Variants in SLC22A24 observed in about 807,000 individuals in gnomAD.
SLC22A24 encodes solute carrier family 22 member 24, also known as steroid transmembrane transporter SLC22A24.
Under a neutral mutation model 49.8 loss-of-function variants are expected in SLC22A24, and 53 were observed. The observed-to-expected ratio is 1.06, with a 90% CI of 0.85 to 1.34. SLC22A24 has a LOEUF of 1.34. Ranked by LOEUF, SLC22A24 falls within the 40% of genes most tolerant of loss-of-function variation. The pLI, the probability that SLC22A24 is intolerant of heterozygous loss-of-function variation, is 0.00. For synonymous variants in SLC22A24, 302 were observed against 256.4 expected (o/e 1.18, Z -1.70); for missense variants, 786 against 675.9 (o/e 1.16, Z -1.81).
chr11:63,080,586 A>G (rs1225019499), intron 9 of SLC22A24, among the ~76,000 whole-genome samples: 4 of 152,216 alleles, frequency 2.6e-5, no homozygotes, highest in African/African-American at 7.2e-5. Flanking sequence ...GAGGCATTTG[A>G]GTCTTAGCAG....
intron 5 of SLC22A24, among the ~76,000 whole-genome samples, chr11:63,102,807 C>A (rs1013155226): frequency 2.6e-5 from 4 of 152,130 alleles, no homozygotes; most frequent in Non-Finnish European, 5.9e-5. Flanking sequence ...GAACTTCTAA[C>A]GTTTGCCTGG....
intron 4 of SLC22A24, among the ~76,000 whole-genome samples, chr11:63,106,305 G>A (rs367923361): frequency 7.9e-5 from 12 of 152,088 alleles, no homozygotes; most frequent in African/African-American, 2.9e-4. Flanking sequence ...GTGTATATGT[G>A]CCACATTTTC....
chr11:63,098,758 C>T (rs1206544380), intron 5 of SLC22A24, among the ~76,000 whole-genome samples: 2 of 151,720 alleles, frequency 1.3e-5, no homozygotes, highest in Non-Finnish European at 2.9e-5. Context: ...AAACCAAACC[C>T]CCAAAATAGT....
At chr11:63,111,368 T>G (rs1482328138) in intron 4 of SLC22A24, among the ~76,000 whole-genome samples, 2 of 151,992 alleles carry the variant, frequency 1.3e-5, no homozygotes, top group African/African-American at 4.8e-5. Context: ...CTTCATAAAA[T>G]GAGTTAGGGA....
At chr11:63,131,147 G>A (rs1292724213) in intron 2 of SLC22A24, among the ~76,000 whole-genome samples, 1 of 151,674 alleles carries the variant, frequency 6.6e-6, no homozygotes, top group Non-Finnish European at 1.5e-5. Context: ...CTCCCTCCCT[G>A]TATTTTGAGC....
At chr11:63,114,134 C>G (rs906239750) in intron 4 of SLC22A24, among the ~76,000 whole-genome samples, 4 of 152,094 alleles carry the variant, frequency 2.6e-5, no homozygotes, top group African/African-American at 4.8e-5. Flanking sequence ...GGGAAATTCT[C>G]CTGGATAATA....
intron 2 of SLC22A24, among the ~76,000 whole-genome samples, chr11:63,124,328 C>A (rs773501423): frequency 5.9e-5 from 9 of 152,126 alleles, no homozygotes; most frequent in Non-Finnish European, 1.3e-4. Flanking sequence ...AAAAAACTTT[C>A]AAGCTTGAGA....
intron 2 of SLC22A24, among the ~76,000 whole-genome samples, chr11:63,127,549 G>A (rs535317328): frequency 1.2e-4 from 19 of 152,188 alleles, no homozygotes; most frequent in East Asian, 9.7e-4. Context: ...TTGAGGAATC[G>A]CCACACTATC....
At chr11:63,083,647 A>C (rs1481233455) in intron 6 of SLC22A24, among the ~76,000 whole-genome samples, 190 bp from the exon 7 acceptor site, 10 of 152,216 alleles carry the variant, frequency 6.6e-5, no homozygotes, top group Admixed American at 4.6e-4. Context: ...TGGTCTTAAA[A>C]TAACATAAAA....
Position 63,104,312 on chromosome 11 carries a change from A to T in SLC22A24, c.831-14T>A. 6.5e-7 allele frequency: 1 copy of T among 1,545,530 alleles called. No individual in the cohort carries two copies. The highest frequency in any genetic ancestry group is 8.7e-7 in the Non-Finnish European group (1 of 1,145,638). ...TCCACCATCTTCCTGATGAAAGAAG[A>T]CAACATAGGTATAGTAAACAATTAC... On this transcript the variant is annotated splice_polypyrimidine_tract_variant and intron_variant, in intron 4 of 9. Transcript: ENST00000612278.
chr11:63,143,836 CAGAGG>C lies in SLC22A24; in HGVS notation c.-62_-58del. 3 of 1,284,430 alleles carry C rather than the reference CAGAGG, an allele frequency of 2.3e-6. No homozygotes were observed. The highest frequency in any genetic ancestry group is 2.0e-6 in the Non-Finnish European group (2 of 1,008,314). The allele number at this position is 1,284,430 out of a possible 1,614,324, so 79.6% of individuals were successfully genotyped here. On this transcript the variant is annotated 5_prime_UTR_variant, in exon 1 of 10. Transcript: ENST00000612278. The stretch of plus-strand genomic sequence containing the variant: ...CACAATGACTTTATGAAGAGAAGTT[CAGAGG>C]GAGAAAATGTCCCCTTTCACAAAGT...
chr11:63,125,342 G>A (rs923854217), intron 2 of SLC22A24, among the ~76,000 whole-genome samples: 2 of 151,994 alleles, frequency 1.3e-5, no homozygotes, highest in African/African-American at 4.8e-5. Context: ...GGTATGTGAT[G>A]TTCCCCTCCC....
At chr11:63,093,609 G>C (rs1004923985) in intron 6 of SLC22A24, among the ~76,000 whole-genome samples, 1 of 152,014 alleles carries the variant, frequency 6.6e-6, no homozygotes, top group African/African-American at 2.4e-5. Flanking sequence ...ACAAAATCCT[G>C]CATATTTTTA....
rs1407459230 is a variant in SLC22A24 at position 63,113,103 on chromosome 11, C to CATATATATATACATATATATATACATAT, written c.830+5808_830+5809insATATGTATATATATATGTATATATATAT. On this transcript the variant is annotated intron_variant, in intron 4 of 9. Coordinates refer to ENST00000612278, the MANE Select transcript of SLC22A24 (RefSeq NM_001136506.2). ...ACACATATATATACATATATATATA[C>CATATATATATACATATATATATACATAT]ATATATATACACATATATATATACA... Among the ~76,000 whole-genome samples, 11 of 1,486 alleles carry CATATATATATACATATATATATACATAT rather than the reference C, an allele frequency of 7.4e-3. 4 individuals carry two copies. Among genetic ancestry groups the CATATATATATACATATATATATACATAT allele is most frequent in the African/African-American group, 9.2e-3 (11 of 1,196 alleles). 1.0% of individuals were successfully genotyped at this position (1,486 alleles called of 152,430 possible).
intron 6 of SLC22A24, among the ~76,000 whole-genome samples, chr11:63,083,819 T>C (rs921325398): frequency 6.6e-6 from 1 of 152,194 alleles, no homozygotes; most frequent in Non-Finnish European, 1.5e-5. Context: ...AACTGGATGA[T>C]ATAAATGATT....
chr11:63,104,070 C>A, intron 5 of SLC22A24, 105 bp downstream of exon 5: 1 of 1,125,286 alleles, frequency 8.9e-7, no homozygotes, highest in Non-Finnish European at 1.3e-6. Flanking sequence ...ATGTAAGACT[C>A]CACTCACAGA....
chr11:63,094,444 T>C (rs1339518503), intron 6 of SLC22A24, among the ~76,000 whole-genome samples: 2 of 152,134 alleles, frequency 1.3e-5, no homozygotes, highest in Non-Finnish European at 2.9e-5. Context: ...TAAACATACA[T>C]GTGCATGTGT....
At position 63,081,687 on chromosome 11, in the gene SLC22A24, C is replaced by G. The variant is rs772025822; in HGVS notation, c.1286-21G>C. ...CATTTCTAGAGAGAACAGTGAGAAT[C>G]AGGAAATCTTGCCTGAAGAAACTTT... is the stretch of plus-strand genomic sequence containing the variant. On this transcript the variant is annotated intron_variant, in intron 7 of 9. Transcript: ENST00000612278. 40 of 1,506,504 alleles carry G rather than the reference C, an allele frequency of 2.7e-5. No individual in the cohort carries two copies. In the South Asian group the frequency reaches 4.2e-4, roughly 16 times the overall value. 93.3% of individuals were successfully genotyped at this position (1,506,504 alleles called of 1,614,324 possible).
chr11:63,144,135 C>T lies in SLC22A24; in HGVS notation c.-356G>A. 1 of 179,068 alleles carries T rather than the reference C, an allele frequency of 5.6e-6. No homozygotes were observed. Among genetic ancestry groups the T allele is most frequent in the Non-Finnish European group, 1.2e-5 (1 of 86,018 alleles). The allele number at this position is 179,068 out of a possible 1,614,324, so 11.1% of individuals were successfully genotyped here. A position where few individuals can be genotyped will look rare whatever the true frequency, so the allele number is the denominator to read the frequency against. On this transcript the variant is annotated 5_prime_UTR_variant, in exon 1 of 10. Coordinates refer to ENST00000612278, the MANE Select transcript of SLC22A24 (RefSeq NM_001136506.2). Reference sequence around the variant, plus strand: ...TCAACGGTGGATTTTCAGGTGGATGCAGTCCCCACGTGACCTAAAATACAC... The same window carrying T: ...TCAACGGTGGATTTTCAGGTGGATGTAGTCCCCACGTGACCTAAAATACAC...
Sources: allele counts gnomAD v4.1 joint callset (sites outside exome capture counted in the v4.1 genomes callset), GRCh38; gene constraint gnomAD v4.1.1; transcripts MANE v1.5; gene names NCBI Gene and HGNC (gene_info 2026-07-23, HGNC 2026-07-21).